Variants in SYK observed in about 807,000 individuals in gnomAD.
SYK encodes the protein spleen associated tyrosine kinase.
A neutral mutation model predicts 77.8 loss-of-function variants in SYK; 16 were observed. The ratio of observed to expected loss-of-function variants is 0.21; its 90% CI spans 0.14 to 0.31. SYK has a LOEUF of 0.31. SYK is among the 10% of genes least tolerant of loss of function. The pLI is 1.00. For synonymous variants in SYK, 312 were observed against 308.7 expected (o/e 1.01, Z -0.11); for missense variants, 529 against 814.4 (o/e 0.65, Z 4.26).
rs552412568 is a variant in SYK at position 90,842,114 on chromosome 9, A to G, written c.-41-1744A>G. On this transcript the variant is annotated intron_variant, in intron 1 of 13. Transcript: ENST00000375754. ...GTGTGTAGTGTGTGTAGTGTGTTGT[A>G]TGTGGTATGTATGTAATTTGTGTTG... is the stretch of plus-strand genomic sequence containing the variant. Among the ~76,000 whole-genome samples, 9 of 130,182 alleles carry G rather than the reference A, an allele frequency of 6.9e-5. No homozygotes were observed. The East Asian group carries it at 1.6e-3, about 23-fold the overall frequency. The allele number at this position is 130,182 out of a possible 152,430, so 85.4% of individuals were successfully genotyped here. A position where few individuals can be genotyped will look rare whatever the true frequency, so the allele number is the denominator to read the frequency against.
At chr9:90,858,051 C>T (rs1199815772) in intron 3 of SYK, among the ~76,000 whole-genome samples, 7 of 152,188 alleles carry the variant, frequency 4.6e-5, no homozygotes, top group African/African-American at 1.7e-4. Flanking sequence ...CCTGGGGAGG[C>T]CACCTTGAGT....
chr9:90,878,352 A>G (rs1162026490), intron 10 of SYK, among the ~76,000 whole-genome samples: 1 of 152,124 alleles, frequency 6.6e-6, no homozygotes, highest in Non-Finnish European at 1.5e-5. Context: ...TTGCTGTGCT[A>G]CGTTTGTACT....
chr9:90,852,143 C>G (rs752364700), intron 3 of SYK, among the ~76,000 whole-genome samples: 1 of 152,194 alleles, frequency 6.6e-6, no homozygotes, highest in Non-Finnish European at 1.5e-5. Flanking sequence ...ATTCCTTCCT[C>G]TAGGTTCACA....
Position 90,895,424 on chromosome 9 carries a change from C to A in SYK, c.1836-104C>A. The A allele has an allele frequency of 8.1e-7, 1 of 1,234,654 alleles. No individual in the cohort carries two copies. The highest frequency in any genetic ancestry group is 1.3e-5 in the South Asian group (1 of 79,106). The allele number at this position is 1,234,654 out of a possible 1,614,324, so 76.5% of individuals were successfully genotyped here. Reference sequence around the variant, plus strand: ...GAGCTGCAGGCCCTAGAGTTAGCCACCAGGGAGCAGCACCACTGGTACTCA... The same window carrying A: ...GAGCTGCAGGCCCTAGAGTTAGCCAACAGGGAGCAGCACCACTGGTACTCA... On this transcript the variant is annotated intron_variant, in intron 13 of 13. Coordinates refer to ENST00000375754, the MANE Select transcript of SYK (RefSeq NM_003177.7). The surrounding 1 kb of genome is among the most constrained non-coding windows in gnomAD (Gnocchi z 4.4).
chr9:90,860,378 A>G (rs991000482), intron 3 of SYK, among the ~76,000 whole-genome samples: 1 of 152,236 alleles, frequency 6.6e-6, no homozygotes, highest in Non-Finnish European at 1.5e-5. Flanking sequence ...TTTATAAGAT[A>G]CTTTCCCTAT....
chr9:90,811,164 T>C (rs1388754931), intron 1 of SYK, among the ~76,000 whole-genome samples: 3 of 152,168 alleles, frequency 2.0e-5, no homozygotes, highest in Admixed American at 6.5e-5. Flanking sequence ...TAAGCATGAT[T>C]TCCTAAAATT....
rs142469700 is a variant in SYK at position 90,832,161 on chromosome 9, C to G, written c.-41-11697C>G. Among the ~76,000 whole-genome samples the G allele has an allele frequency of 3.3e-4, 50 of 152,292 alleles. 1 individual carries two copies. The East Asian group carries it at 9.4e-3, about 29-fold the overall frequency. On this transcript the variant is annotated intron_variant, in intron 1 of 13. Coordinates refer to ENST00000375754, the MANE Select transcript of SYK (RefSeq NM_003177.7). ...CCATATTTCCCCAGGAGCAACTGTT[C>G]AGGATTTGCAAATTCAGCTTTCATG...
intron 13 of SYK, among the ~76,000 whole-genome samples, chr9:90,892,427 G>T (rs1462981872): frequency 6.6e-6 from 1 of 152,166 alleles, no homozygotes; most frequent in Non-Finnish European, 1.5e-5. Context: ...GAAGAGACAG[G>T]TCAGTTAGTC....
At chr9:90,830,080 T>A (rs576222498) in intron 1 of SYK, among the ~76,000 whole-genome samples, 3 of 152,380 alleles carry the variant, frequency 2.0e-5, no homozygotes, top group African/African-American at 7.2e-5. Flanking sequence ...CATGCTACCA[T>A]CCTTAGCTTC....
In SYK at chr9:90,835,886, T is replaced by C. The variant is rs190864205; in HGVS notation, c.-41-7972T>C. The stretch of plus-strand genomic sequence containing the variant: ...CCTTGAACGTTACAGGTTTGAACCA[T>C]GTGGGTTCACTTATATGCGGATTTT... On this transcript the variant is annotated intron_variant, in intron 1 of 13. Coordinates refer to ENST00000375754, the MANE Select transcript of SYK (RefSeq NM_003177.7). Among the ~76,000 whole-genome samples the C allele has an allele frequency of 1.4e-3, 217 of 152,364 alleles. 1 individual carries two copies. The highest frequency in any genetic ancestry group is 4.6e-3 in the African/African-American group (193 of 41,584).
chr9:90,873,271 C>T (rs1471475173), intron 7 of SYK, among the ~76,000 whole-genome samples: 1 of 151,526 alleles, frequency 6.6e-6, no homozygotes, highest in Non-Finnish European at 1.5e-5. Flanking sequence ...GGCAGTATCT[C>T]ATTTCTTCGT....
chr9:90,876,807 T>G (rs1346395749), intron 9 of SYK, among the ~76,000 whole-genome samples: 3 of 152,236 alleles, frequency 2.0e-5, no homozygotes, highest in Admixed American at 2.0e-4. Context: ...GTTTACCTTT[T>G]CAATGTATTA....
At chr9:90,812,739 A>ATGTGTGTGTGTG (rs1491224481) in intron 1 of SYK, among the ~76,000 whole-genome samples, 4 of 94,088 alleles carry the variant, frequency 4.3e-5, no homozygotes, top group Admixed American at 2.2e-4. Flanking sequence ...TCCCCATTTG[A>ATGTGTGTGTGTG]TATGTGTGTG....
intron 2 of SYK, 23 bp downstream of exon 2, chr9:90,844,338 C>G (rs200111713): frequency 3.2e-6 from 5 of 1,552,740 alleles, no homozygotes; most frequent in Non-Finnish European, 4.3e-6. Context: ...TGGTCCTGCT[C>G]CCTGGGCCCA....
chr9:90,809,529 C>T (rs1479638187), intron 1 of SYK, among the ~76,000 whole-genome samples: 3 of 152,218 alleles, frequency 2.0e-5, no homozygotes, highest in African/African-American at 7.2e-5. Context: ...CAGTGTCAGA[C>T]ATGCCAATTT....
intron 10 of SYK, 62 bp from the exon 11 acceptor site, chr9:90,878,702 G>A: frequency 7.0e-7 from 1 of 1,428,636 alleles, no homozygotes. Flanking sequence ...TGAGGAGCAT[G>A]GTTGTTTGTT....
At chr9:90,866,788 G>A (rs1045298366) in intron 6 of SYK, among the ~76,000 whole-genome samples, 14 of 152,162 alleles carry the variant, frequency 9.2e-5, no homozygotes, top group Admixed American at 8.5e-4. Context: ...CAACACAACT[G>A]AGCACTCAGA....
At chr9:90,847,877 A>G (rs1175083821) in intron 3 of SYK, among the ~76,000 whole-genome samples, 1 of 152,206 alleles carries the variant, frequency 6.6e-6, no homozygotes, top group Admixed American at 6.5e-5. Flanking sequence ...GAGCACCAGG[A>G]AAGTCTCCTT....
At chr9:90,808,489 C>CATT (rs535683027) in intron 1 of SYK, among the ~76,000 whole-genome samples, 183 of 148,624 alleles carry the variant, frequency 1.2e-3, no homozygotes, top group African/African-American at 4.3e-3. Context: ...GTACCCTAGG[C>CATT]ATTAGTCTTT....
Sources: gnomAD v4.1 joint callset for allele counts (sites outside exome capture counted in the v4.1 genomes callset) on GRCh38, gnomAD v4.1.1 for gene constraint, Gnocchi (gnomAD v3.1) non-coding constraint, MANE v1.5 for transcripts, NCBI Gene and HGNC (gene_info 2026-07-23, HGNC 2026-07-21) for gene names.